The following RCAN2 variants were observed in gnomAD, a reference collection of about 807,000 sequenced individuals.
The protein encoded by RCAN2 is regulator of calcineurin 2, also known as calcipressin-2.
Under a neutral mutation model 23.6 loss-of-function variants are expected in RCAN2, and 9 were observed. The observed-to-expected ratio is 0.38, with a 90% CI of 0.23 to 0.67. The LOEUF is 0.67. Ranked by LOEUF, RCAN2 falls within the 30% of genes least tolerant of loss-of-function variation. The probability of loss-of-function intolerance (pLI) is 0.51; values close to 1 mark genes in which losing one functional copy is unlikely to be tolerated. For synonymous variants in RCAN2, 109 were observed against 115.7 expected, an observed-to-expected ratio of 0.94 and a Z score of 0.37; for missense variants, 273 against 302.3, an observed-to-expected ratio of 0.90 and a Z score of 0.72.
intron 2 of RCAN2, among the ~76,000 whole-genome samples, chr6:46,426,281 TA>T (rs1407871596): frequency 6.6e-6 from 1 of 152,208 alleles, no homozygotes; most frequent in African/African-American, 2.4e-5. Context: ...TTTAAATGAA[TA>T]TTTTCGCAGA....
intron 4 of RCAN2, among the ~76,000 whole-genome samples, chr6:46,228,293 G>C (rs530761148): frequency 6.6e-6 from 1 of 152,174 alleles, no homozygotes; most frequent in Non-Finnish European, 1.5e-5. Context: ...TATTAGGTCT[G>C]CTTGGTGCAG....
intron 2 of RCAN2, among the ~76,000 whole-genome samples, chr6:46,368,431 T>C (rs750496743): frequency 6.6e-6 from 1 of 152,178 alleles, no homozygotes; most frequent in Non-Finnish European, 1.5e-5. Flanking sequence ...GCATTAAGCA[T>C]ACAGTCATGC....
At chr6:46,236,150 T>C (rs1739274150) in intron 4 of RCAN2, among the ~76,000 whole-genome samples, 1 of 152,210 alleles carries the variant, frequency 6.6e-6, no homozygotes, top group South Asian at 2.1e-4. Context: ...CACACAATAG[T>C]CAAAGAATTA....
chr6:46,289,826 C>T (rs1457019421), intron 2 of RCAN2, among the ~76,000 whole-genome samples: 1 of 152,160 alleles, frequency 6.6e-6, no homozygotes, highest in Non-Finnish European at 1.5e-5. Context: ...AACACAGCTG[C>T]TCATCTAGAG....
At position 46,228,676 on chromosome 6, in the gene RCAN2, C is replaced by T. The variant is rs182025244; in HGVS notation, c.572-5375G>A. Among the ~76,000 whole-genome samples, 111 of 152,208 alleles carry T rather than the reference C, an allele frequency of 7.3e-4. 2 individuals carry two copies. In the East Asian group the frequency reaches 0.014, roughly 20 times the overall value. The stretch of plus-strand genomic sequence containing the variant: ...TTTTGAGCCTATGTGTGTCTCCGCA[C>T]GTGAGATGGGTCTCCTGAATACAGC... On this transcript the variant is annotated intron_variant, in intron 4 of 4. Coordinates refer to ENST00000371374, the MANE Select transcript of RCAN2 (RefSeq NM_001251974.2).
intron 2 of RCAN2, among the ~76,000 whole-genome samples, chr6:46,361,511 G>C (rs1765014977): frequency 6.6e-6 from 1 of 152,222 alleles, no homozygotes; most frequent in Non-Finnish European, 1.5e-5. Flanking sequence ...GTATGTTGAT[G>C]CTGCATTGGG....
At chr6:46,373,396 C>T (rs1216359815) in intron 2 of RCAN2, among the ~76,000 whole-genome samples, 9 of 152,030 alleles carry the variant, frequency 5.9e-5, no homozygotes, top group African/African-American at 1.5e-4. Context: ...TCCTGAGTAG[C>T]GGGGATTACA....
intron 2 of RCAN2, among the ~76,000 whole-genome samples, chr6:46,283,760 T>C (rs534154517): frequency 1.6e-4 from 25 of 152,354 alleles, no homozygotes; most frequent in African/African-American, 5.8e-4. Flanking sequence ...CATTTTATTA[T>C]GAGGTTTTAA....
intron 2 of RCAN2, among the ~76,000 whole-genome samples, chr6:46,388,904 G>T (rs183173738): frequency 6.6e-6 from 1 of 152,178 alleles, no homozygotes; most frequent in African/African-American, 2.4e-5. Context: ...CATGGCACGC[G>T]TATACCTATG....
At chr6:46,475,750 A>C (rs1768696380) in intron 1 of RCAN2, among the ~76,000 whole-genome samples, 1 of 152,106 alleles carries the variant, frequency 6.6e-6, no homozygotes, top group Non-Finnish European at 1.5e-5. Context: ...ATGATCTAAT[A>C]CTGGAAGTCA....
At chr6:46,341,296 G>A (rs1367428311) in intron 2 of RCAN2, among the ~76,000 whole-genome samples, 2 of 151,842 alleles carry the variant, frequency 1.3e-5, no homozygotes, top group Non-Finnish European at 2.9e-5. Context: ...ATCCTTAAAA[G>A]CAGGGGGGTC....
At chr6:46,350,457 G>A (rs1170970548) in intron 2 of RCAN2, among the ~76,000 whole-genome samples, 2 of 152,196 alleles carry the variant, frequency 1.3e-5, no homozygotes, top group African/African-American at 4.8e-5. Flanking sequence ...TGGGTCAGGG[G>A]CAGGCAACCC....
chr6:46,301,065 A>G (rs1412098975), intron 2 of RCAN2, among the ~76,000 whole-genome samples: 2 of 152,068 alleles, frequency 1.3e-5, no homozygotes, highest in African/African-American at 4.8e-5. Context: ...CACCATGAAA[A>G]TCTGGGCCAT....
chr6:46,334,656 G>C (rs933833575), intron 2 of RCAN2, among the ~76,000 whole-genome samples: 2 of 152,150 alleles, frequency 1.3e-5, no homozygotes, highest in Non-Finnish European at 2.9e-5. Context: ...GCATTGTGTA[G>C]AAGGTCCATG....
At chr6:46,315,857 G>T (rs559424696) in intron 2 of RCAN2, among the ~76,000 whole-genome samples, 17 of 152,256 alleles carry the variant, frequency 1.1e-4, no homozygotes, top group Admixed American at 9.2e-4. Flanking sequence ...ATTTCCTGCT[G>T]TCTCCTGTTC....
intron 2 of RCAN2, among the ~76,000 whole-genome samples, chr6:46,326,816 T>C (rs763325243): frequency 1.3e-5 from 2 of 152,214 alleles, no homozygotes; most frequent in Non-Finnish European, 1.5e-5. Context: ...AAAGGTGACA[T>C]TTCAGACTGA....
chr6:46,463,678 C>T (rs910686665), intron 1 of RCAN2, among the ~76,000 whole-genome samples: 2 of 152,144 alleles, frequency 1.3e-5, no homozygotes, highest in African/African-American at 4.8e-5. Flanking sequence ...TTAACAAAAG[C>T]TTTCTCCAGA....
At chr6:46,273,708 C>G (rs1767594722) in intron 2 of RCAN2, among the ~76,000 whole-genome samples, 1 of 152,188 alleles carries the variant, frequency 6.6e-6, no homozygotes, top group South Asian at 2.1e-4. Flanking sequence ...TAGGTATTTT[C>G]TCTTTATATA....
rs543361817 is a variant in RCAN2 at position 46,260,178 on chromosome 6, C to T, written c.226-11282G>A. On this transcript the variant is annotated intron_variant, in intron 2 of 4. Transcript: ENST00000371374. ...CCCCATCCTGAGGCCACCCAGGGCC[C>T]CTAGTGTTCTCATTAGCATACAAAA... 9.9e-5 allele frequency among the ~76,000 whole-genome samples: 15 copies of T among 152,232 alleles called. No homozygotes were observed. In the South Asian group the frequency reaches 2.9e-3, roughly 30 times the overall value.
Sources: allele counts gnomAD v4.1 joint callset (sites outside exome capture counted in the v4.1 genomes callset), GRCh38; gene constraint gnomAD v4.1.1; transcripts MANE v1.5; gene names NCBI Gene and HGNC (gene_info 2026-07-23, HGNC 2026-07-21).